ATP6V0A2: variants seen among roughly 807,000 people sequenced by gnomAD.
ATP6V0A2 encodes V-type proton ATPase 116 kDa subunit a 2.
A neutral mutation model predicts 104.4 loss-of-function variants in ATP6V0A2; 58 were observed. That is an observed-to-expected ratio of 0.56 (90% CI 0.45 to 0.69). ATP6V0A2 has a LOEUF of 0.69. Ranked by LOEUF, ATP6V0A2 falls within the 30% of genes least tolerant of loss-of-function variation. The pLI, the probability that ATP6V0A2 is intolerant of heterozygous loss-of-function variation, is 0.00. For missense variants in ATP6V0A2, 938 were observed against 1,062.9 expected (o/e 0.88, Z 1.63); for synonymous variants, 376 against 397.9 (o/e 0.95, Z 0.65).
At chr12:123,740,082 G>C (rs1956593681) in intron 9 of ATP6V0A2, among the ~76,000 whole-genome samples, 1 of 152,154 alleles carries the variant, frequency 6.6e-6, no homozygotes, top group South Asian at 2.1e-4. Flanking sequence ...AGGATCGCTT[G>C]AGCCTGGGAG....
intron 9 of ATP6V0A2, among the ~76,000 whole-genome samples, chr12:123,738,332 T>C (rs1566283764): frequency 1.3e-5 from 2 of 151,654 alleles, no homozygotes; most frequent in Non-Finnish European, 2.9e-5. Context: ...AGGCGGAGGT[T>C]GTGGTGAGCC....
intron 8 of ATP6V0A2, among the ~76,000 whole-genome samples, 181 bp from the exon 9 acceptor site, chr12:123,736,878 C>T (rs1026120242): frequency 1.1e-4 from 17 of 152,148 alleles, no homozygotes; most frequent in Non-Finnish European, 1.8e-4. Context: ...TGCCCACCTC[C>T]GAGTGGTACT....
In ATP6V0A2 at chr12:123,727,816, G is replaced by T; in HGVS notation, c.555G>T (p.Val185=). 1 of 1,614,144 alleles carries T rather than the reference G, an allele frequency of 6.2e-7. No individual in the cohort carries two copies. Among genetic ancestry groups the T allele is most frequent in the Non-Finnish European group, 8.5e-7 (1 of 1,180,026 alleles). ...CTGGCCTAATTAACCAAGGAAAAGT[G>T]GAAGCATTTGAAAAAATGTTGTGGA... is the stretch of plus-strand genomic sequence containing the variant. The part of the protein sequence containing the change: ...FVSGLINQGK[V]EAFEKMLWRV... Residue 185 remains valine (V), a synonymous_variant, in exon 6 of 20, where the codon GTG becomes GTT. Coordinates refer to ENST00000330342, the MANE Select transcript of ATP6V0A2 (RefSeq NM_012463.4).
chr12:123,722,524 A>G, intron 3 of ATP6V0A2, 76 bp downstream of exon 3: 1 of 873,876 alleles, frequency 1.1e-6, no homozygotes, highest in Non-Finnish European at 2.0e-6. Flanking sequence ...ATGTTGTCTA[A>G]TGCTTTTCTG....
intron 8 of ATP6V0A2, among the ~76,000 whole-genome samples, chr12:123,736,382 C>T (rs1052472039): frequency 1.3e-5 from 2 of 151,362 alleles, no homozygotes; most frequent in Non-Finnish European, 2.9e-5. Context: ...TTAGTAGAGA[C>T]GGGGTTTCAC....
chr12:123,744,932 C>T lies in ATP6V0A2; in HGVS notation c.1565C>T (p.Pro522Leu), dbSNP rs371908109. 2.4e-5 allele frequency: 39 copies of T among 1,614,094 alleles called. No individual in the cohort carries two copies. The highest frequency in any genetic ancestry group is 3.1e-5 in the Non-Finnish European group (37 of 1,180,044). Residue 522 changes from proline (P) to leucine (L), a missense_variant, in exon 13 of 20, where the codon CCT becomes CTT. Transcript: ENST00000330342. The surrounding 1 kb of genome is among the most constrained non-coding windows in gnomAD (Gnocchi z 5.4). ...ATTTTGCAGCTGGATCCAAGCATTC[C>T]TGGAGTGTTCCGAGGCCCTTATCCC... ...NSILQLDPSIPGVFRGPYPLG... is the reference protein window; with the variant it reads ...NSILQLDPSILGVFRGPYPLG...
At chr12:123,716,324 C>T (rs1956338942) in intron 1 of ATP6V0A2, among the ~76,000 whole-genome samples, 1 of 152,138 alleles carries the variant, frequency 6.6e-6, no homozygotes, top group Admixed American at 6.5e-5. Flanking sequence ...ACCTTGGCCC[C>T]CCAGAGTGCT....
In ATP6V0A2 at chr12:123,760,437, A is replaced by G. The variant is rs1240655686; in HGVS notation, c.*2405A>G. On this transcript the variant is annotated 3_prime_UTR_variant, in exon 20 of 20. Transcript: ENST00000330342. ...CGATGGGCTCCAGTGTCATGTTACC[A>G]GAGTTATCGCTCAGTTTTGTTTGTT... 1.3e-5 allele frequency: 2 copies of G among 152,202 alleles called. No homozygotes were observed. Among genetic ancestry groups the G allele is most frequent in the African/African-American group, 4.8e-5 (2 of 41,450 alleles). 9.4% of individuals were successfully genotyped at this position (152,202 alleles called of 1,614,324 possible).
chr12:123,746,883 A>G (rs965578874), intron 13 of ATP6V0A2, among the ~76,000 whole-genome samples: 1 of 151,880 alleles, frequency 6.6e-6, no homozygotes, highest in African/African-American at 2.4e-5. Flanking sequence ...CAGTGAACCA[A>G]GATTGCGCCA....
chr12:123,724,653 G>T lies in ATP6V0A2; in HGVS notation c.295-1G>T. Reference sequence around the variant, plus strand: ...CTTAAGTAACCATTGTTTTGTTTTAGGAGCAGTTGCAGAAGCTCGAGGTTG... The same window carrying T: ...CTTAAGTAACCATTGTTTTGTTTTATGAGCAGTTGCAGAAGCTCGAGGTTG... On this transcript the variant is annotated splice_acceptor_variant, in intron 3 of 19. Transcript: ENST00000330342. LOFTEE classifies it high-confidence loss of function. The T allele has an allele frequency of 6.2e-7, 1 of 1,613,674 alleles. No individual in the cohort carries two copies.
At chr12:123,749,126 C>T (rs962769383) in intron 15 of ATP6V0A2, among the ~76,000 whole-genome samples, 1 of 152,050 alleles carries the variant, frequency 6.6e-6, no homozygotes, top group African/African-American at 2.4e-5. Context: ...CTCATCTCTA[C>T]AAAAAACACA....
intron 17 of ATP6V0A2, 70 bp from the exon 18 acceptor site, chr12:123,754,350 A>T (rs771641013): frequency 8.5e-7 from 1 of 1,179,102 alleles, no homozygotes; most frequent in South Asian, 1.2e-5. Flanking sequence ...TTGAAGTGGA[A>T]CCCACTTGGC....
Position 123,712,426 on chromosome 12 carries a change from T to C in ATP6V0A2, c.-140T>C. ...GCAGAACCGGGGGCGGCCGCTGCAG[T>C]CTGGAGCCCCATAGTGCGGGGCCGC... On this transcript the variant is annotated 5_prime_UTR_variant, in exon 1 of 20. Transcript: ENST00000330342. The C allele has an allele frequency of 6.5e-6, 3 of 463,694 alleles. No individual in the cohort carries two copies. Among genetic ancestry groups the C allele is most frequent in the Non-Finnish European group, 1.1e-5 (3 of 277,296 alleles). The allele number at this position is 463,694 out of a possible 1,614,324, so 28.7% of individuals were successfully genotyped here. A position where few individuals can be genotyped will look rare whatever the true frequency, so the allele number is the denominator to read the frequency against.
intron 17 of ATP6V0A2, 27 bp from the exon 18 acceptor site, chr12:123,754,391 CTT>C: frequency 6.6e-7 from 1 of 1,507,846 alleles, no homozygotes; most frequent in South Asian, 1.1e-5. Context: ...CATCATGACT[CTT>C]AACATATGTT....
At chr12:123,750,850 T>C (rs1044797743) in intron 15 of ATP6V0A2, 19 of 482,220 alleles carry the variant, frequency 3.9e-5, no homozygotes, top group African/African-American at 3.3e-4. Context: ...TGACTCTCTT[T>C]AGAATTTTTG....
At chr12:123,732,872 T>G (rs1284680142) in intron 6 of ATP6V0A2, 1 of 151,714 alleles carries the variant, frequency 6.6e-6, no homozygotes, top group Non-Finnish European at 1.5e-5. Flanking sequence ...TCCCTTCCCC[T>G]CCCAGGTCAG....
chr12:123,737,291 C>T lies in ATP6V0A2; in HGVS notation c.1038+20C>T, dbSNP rs925273709. 10 of 1,609,672 alleles carry T rather than the reference C, an allele frequency of 6.2e-6. No individual in the cohort carries two copies. The African/African-American group carries it at 6.7e-5, about 11-fold the overall frequency. Reference sequence around the variant, plus strand: ...GGCTCGGTAAGGCTGCCTTCCTCTCCTCTGCCAGGAACAGAAGAGAGACTG... The same window carrying T: ...GGCTCGGTAAGGCTGCCTTCCTCTCTTCTGCCAGGAACAGAAGAGAGACTG... On this transcript the variant is annotated intron_variant, in intron 9 of 19. Transcript: ENST00000330342.
rs567406924 is a variant in ATP6V0A2, at chr12:123,744,722, C to T, written c.1452C>T (p.Asn484=). ...TCAACCTGTTCGGCTCTGGGTGGAA[C>T]GTGTCGGCCATGTACAGCTCCAGCC... ...KSVNLFGSGW[N]VSAMYSSSHP... Residue 484 remains asparagine (N), a synonymous_variant, in exon 12 of 20, where the codon AAC becomes AAT. Transcript: ENST00000330342. This position sits in a 1 kb window ranked among gnomAD's most constrained non-coding sequence, Gnocchi z 5.4. 1.2e-5 allele frequency: 20 copies of T among 1,614,134 alleles called. No homozygotes were observed. Among genetic ancestry groups the T allele is most frequent in the Middle Eastern group, 1.7e-4 (1 of 6,060 alleles).
At chr12:123,741,289 A>C (rs1346711694) in intron 9 of ATP6V0A2, among the ~76,000 whole-genome samples, 2 of 152,104 alleles carry the variant, frequency 1.3e-5, no homozygotes, top group African/African-American at 4.8e-5. Context: ...AAAAATACAC[A>C]ATAGAAAAAA....
Sources: allele counts gnomAD v4.1 joint callset (sites outside exome capture counted in the v4.1 genomes callset), GRCh38; gene constraint gnomAD v4.1.1; non-coding constraint Gnocchi (gnomAD v3.1); transcripts MANE v1.5; gene names NCBI Gene and HGNC (gene_info 2026-07-23, HGNC 2026-07-21).